The following PCNX2 variants were observed in gnomAD, a reference collection of about 807,000 sequenced individuals.
PCNX2 encodes the protein pecanex-like protein 2.
A neutral mutation model predicts 223.8 loss-of-function variants in PCNX2; 168 were observed. The ratio of observed to expected loss-of-function variants is 0.75; its 90% CI spans 0.66 to 0.85. PCNX2 has a LOEUF of 0.85. PCNX2 is among the 40% of genes least tolerant of loss of function. The pLI is 0.00. For missense variants in PCNX2, 2,507 were observed against 2,675.5 expected, an observed-to-expected ratio of 0.94 and a Z score of 1.39; for synonymous variants, 1,006 against 1,052.6, an observed-to-expected ratio of 0.96 and a Z score of 0.86.
At chr1:233,183,337 G>A (rs1159502202) in intron 15 of PCNX2, among the ~76,000 whole-genome samples, 1 of 152,084 alleles carries the variant, frequency 6.6e-6, no homozygotes, top group African/African-American at 2.4e-5. Context: ...AACCTTACAT[G>A]TTTCTTTCCC....
chr1:233,294,927 C>G (rs1477512920), intron 1 of PCNX2, among the ~76,000 whole-genome samples: 1 of 152,032 alleles, frequency 6.6e-6, no homozygotes, highest in Non-Finnish European at 1.5e-5. Context: ...AATGAGTCTG[C>G]TTTTTACATT....
intron 15 of PCNX2, among the ~76,000 whole-genome samples, chr1:233,189,155 TG>T (rs1471206399): frequency 1.3e-5 from 2 of 152,168 alleles, no homozygotes; most frequent in Non-Finnish European, 2.9e-5. Flanking sequence ...CATTTTACAA[TG>T]GAAAAAACAA....
chr1:233,101,612 T>G (rs1390543458), intron 21 of PCNX2, among the ~76,000 whole-genome samples: 1 of 151,704 alleles, frequency 6.6e-6, no homozygotes, highest in Non-Finnish European at 1.5e-5. Context: ...AATAATATAA[T>G]CAAAAAAGTT....
At chr1:233,189,946 T>C (rs536736805) in intron 15 of PCNX2, among the ~76,000 whole-genome samples, 55 of 152,344 alleles carry the variant, frequency 3.6e-4, no homozygotes, top group African/African-American at 1.3e-3. Context: ...TCCATTTATA[T>C]GTTACTTGGT....
At chr1:233,183,666 A>G (rs1480698202) in intron 15 of PCNX2, among the ~76,000 whole-genome samples, 3 of 152,192 alleles carry the variant, frequency 2.0e-5, no homozygotes, top group Non-Finnish European at 4.4e-5. Context: ...TCATTCCTAC[A>G]ATGTGCTGGG....
chr1:233,149,928 T>A (rs1156471517), intron 19 of PCNX2, among the ~76,000 whole-genome samples: 1 of 151,962 alleles, frequency 6.6e-6, no homozygotes, highest in Non-Finnish European at 1.5e-5. Flanking sequence ...TTTCCTTTAC[T>A]TAGGCCTCAA....
At chr1:233,112,724 A>C in intron 21 of PCNX2, 4 of 698,650 alleles carry the variant, frequency 5.7e-6, no homozygotes, top group Non-Finnish European at 5.4e-6. Flanking sequence ...CAATATAACT[A>C]AATTCACATA....
At chr1:233,226,914 C>T (rs1335742601) in intron 10 of PCNX2, among the ~76,000 whole-genome samples, 1 of 152,104 alleles carries the variant, frequency 6.6e-6, no homozygotes, top group African/African-American at 2.4e-5. Flanking sequence ...TGCTACTGTG[C>T]CCAAACAAAC....
At chr1:233,324,481 T>C in the PCNX2 span, among the ~76,000 whole-genome samples, 1 of 152,156 alleles carries the variant, frequency 6.6e-6, no homozygotes, top group African/African-American at 2.4e-5. Flanking sequence ...GCTCATTTAC[T>C]ATTCTGAAAA....
chr1:233,189,570 A>G (rs932668408), intron 15 of PCNX2, among the ~76,000 whole-genome samples: 1 of 152,192 alleles, frequency 6.6e-6, no homozygotes, highest in African/African-American at 2.4e-5. Context: ...GCATTAAATA[A>G]TATCTAGAAC....
intron 21 of PCNX2, among the ~76,000 whole-genome samples, chr1:233,107,611 G>A (rs1674871885): frequency 6.6e-6 from 1 of 151,708 alleles, no homozygotes; most frequent in African/African-American, 2.4e-5. Context: ...GAAGGCTTCT[G>A]GTTTCTTCTC....
chr1:233,010,016 T>C (rs1670409236), intron 28 of PCNX2, among the ~76,000 whole-genome samples: 1 of 152,206 alleles, frequency 6.6e-6, no homozygotes, highest in South Asian at 2.1e-4. Context: ...TGATTTTAGC[T>C]TGATAACATG....
At chr1:233,252,522 A>G in intron 6 of PCNX2, 23 bp from the exon 7 acceptor site, 9 of 1,587,218 alleles carry the variant, frequency 5.7e-6, no homozygotes, top group East Asian at 2.2e-5. Flanking sequence ...AAAAGTTTCA[A>G]AAAAAATGAT....
In PCNX2 at chr1:233,031,428, T is replaced by C. The variant is rs189874560; in HGVS notation, c.4352-6029A>G. On this transcript the variant is annotated intron_variant, in intron 25 of 33. Coordinates refer to ENST00000258229, the MANE Select transcript of PCNX2 (RefSeq NM_014801.4). Reference sequence around the variant, plus strand: ...TTGAATGGACAAATAAAACAGTTCTTATCCAGATCTCTGTCTGAACAGGCA... The same window carrying C: ...TTGAATGGACAAATAAAACAGTTCTCATCCAGATCTCTGTCTGAACAGGCA... Among the ~76,000 whole-genome samples, 843 of 152,350 alleles carry C rather than the reference T, an allele frequency of 5.5e-3. 8 individuals carry two copies. Among genetic ancestry groups the C allele is most frequent in the Middle Eastern group, 0.034 (10 of 294 alleles).
At chr1:233,020,427 G>A (rs140616120) in intron 26 of PCNX2, among the ~76,000 whole-genome samples, 1 of 152,362 alleles carries the variant, frequency 6.6e-6, no homozygotes, top group Non-Finnish European at 1.5e-5. Flanking sequence ...TCGGGGCAGT[G>A]ACAATGAATT....
chr1:233,324,624 G>A, the PCNX2 span, among the ~76,000 whole-genome samples: 8 of 130,658 alleles, frequency 6.1e-5, no homozygotes, highest in East Asian at 2.1e-4. Flanking sequence ...TTTTTGAGAC[G>A]GAGTCTTGCT....
intron 21 of PCNX2, among the ~76,000 whole-genome samples, chr1:233,104,334 T>A (rs1267749265): frequency 1.3e-5 from 2 of 152,164 alleles, no homozygotes; most frequent in Non-Finnish European, 2.9e-5. Context: ...AAATAATTTT[T>A]AAAAAATCAA....
chr1:233,247,047 G>A (rs1659164692), intron 8 of PCNX2, among the ~76,000 whole-genome samples: 1 of 152,206 alleles, frequency 6.6e-6, no homozygotes, highest in Admixed American at 6.5e-5. Context: ...AGACTCTGGG[G>A]AGATGTTTGA....
chr1:233,203,854 CCAA>C (rs1293501526), intron 13 of PCNX2, among the ~76,000 whole-genome samples: 2 of 152,146 alleles, frequency 1.3e-5, no homozygotes, highest in Non-Finnish European at 2.9e-5. Context: ...CCATACATCA[CCAA>C]CAAGACACTG....
Sources: allele counts gnomAD v4.1 joint callset (sites outside exome capture counted in the v4.1 genomes callset), GRCh38; gene constraint gnomAD v4.1.1; transcripts MANE v1.5; gene names NCBI Gene and HGNC (gene_info 2026-07-23, HGNC 2026-07-21).